The following BRINP1 variants were observed in gnomAD, a reference collection of about 807,000 sequenced individuals.
BRINP1 encodes BMP/retinoic acid inducible neural specific 1.
Under a neutral mutation model 72.9 loss-of-function variants are expected in BRINP1, and 17 were observed. That is an observed-to-expected ratio of 0.23 (90% CI 0.16 to 0.35). The LOEUF (loss-of-function observed/expected upper bound fraction) is 0.35, where lower values mean the gene tolerates loss of function less well. BRINP1 is among the 10% of genes least tolerant of loss of function. BRINP1 has a pLI of 1.00. For synonymous variants in BRINP1, 418 were observed against 378.5 expected, an observed-to-expected ratio of 1.10 and a Z score of -1.21; for missense variants, 850 against 1,001.6, an observed-to-expected ratio of 0.85 and a Z score of 2.04.
At chr9:119,213,546 GCACA>G (rs1292836086) in intron 6 of BRINP1, 2 of 389,196 alleles carry the variant, frequency 5.1e-6, no homozygotes, top group Non-Finnish European at 9.2e-6. Flanking sequence ...GTGTGTGGGT[GCACA>G]CACAAACACA....
At chr9:119,263,658 AG>A (rs934895026) in intron 2 of BRINP1, among the ~76,000 whole-genome samples, 2 of 112,980 alleles carry the variant, frequency 1.8e-5, no homozygotes, top group African/African-American at 6.9e-5. Flanking sequence ...CCCAGGCTGG[AG>A]TGCAGTGGTG....
At chr9:119,280,625 C>A (rs1830701362) in intron 2 of BRINP1, among the ~76,000 whole-genome samples, 2 of 152,054 alleles carry the variant, frequency 1.3e-5, no homozygotes, top group South Asian at 2.1e-4. Context: ...CTAACTGAAC[C>A]AGGAATCTCA....
chr9:119,284,999 G>A (rs1333563500), intron 2 of BRINP1, among the ~76,000 whole-genome samples: 4 of 152,132 alleles, frequency 2.6e-5, no homozygotes, highest in African/African-American at 9.7e-5. Context: ...CCTCTGGCTG[G>A]TGAGGAAAAA....
chr9:119,300,043 T>C (rs1034812612), intron 2 of BRINP1, among the ~76,000 whole-genome samples: 1 of 152,046 alleles, frequency 6.6e-6, no homozygotes, highest in Non-Finnish European at 1.5e-5. Context: ...CCTTCCTCAG[T>C]GATTCGTTTC....
chr9:119,251,902 G>T (rs148116410), intron 2 of BRINP1, among the ~76,000 whole-genome samples: 9 of 152,024 alleles, frequency 5.9e-5, no homozygotes, highest in African/African-American at 1.7e-4. Flanking sequence ...TCACTTTCAC[G>T]TTTCAGTTAC....
intron 2 of BRINP1, among the ~76,000 whole-genome samples, chr9:119,267,674 A>G (rs1050190227): frequency 3.5e-5 from 5 of 144,132 alleles, no homozygotes; most frequent in African/African-American, 1.3e-4. Flanking sequence ...AAATAAATAA[A>G]TAAGGCTATT....
intron 2 of BRINP1, among the ~76,000 whole-genome samples, chr9:119,273,823 A>G (rs1588186768): frequency 6.6e-6 from 1 of 152,198 alleles, no homozygotes; most frequent in African/African-American, 2.4e-5. Flanking sequence ...CAAAAGTATC[A>G]GGTTCAGAGA....
chr9:119,253,071 G>A (rs1009662137), intron 2 of BRINP1, among the ~76,000 whole-genome samples: 5 of 152,150 alleles, frequency 3.3e-5, no homozygotes, highest in African/African-American at 1.2e-4. Context: ...AGTAACTGGG[G>A]ATGTTACCCT....
intron 7 of BRINP1, among the ~76,000 whole-genome samples, chr9:119,181,104 C>T (rs922940114): frequency 8.5e-5 from 13 of 152,124 alleles, no homozygotes; most frequent in Non-Finnish European, 1.8e-4. Context: ...GTGCTGAAGA[C>T]AAGTGAAGGA....
At chr9:119,279,349 A>AT (rs747980451) in intron 2 of BRINP1, among the ~76,000 whole-genome samples, 25 of 151,374 alleles carry the variant, frequency 1.7e-4, no homozygotes, top group Non-Finnish European at 7.4e-5. Flanking sequence ...GGATTTCGCC[A>AT]GGGCACCTGC....
At chr9:119,187,350 C>A (rs889221288) in intron 7 of BRINP1, among the ~76,000 whole-genome samples, 10 of 151,840 alleles carry the variant, frequency 6.6e-5, no homozygotes, top group African/African-American at 2.4e-4. Flanking sequence ...ACAACAGGAT[C>A]CCTGAAGCCC....
chr9:119,364,887 C>T (rs1831674926), intron 1 of BRINP1, among the ~76,000 whole-genome samples: 1 of 152,206 alleles, frequency 6.6e-6, no homozygotes, highest in African/African-American at 2.4e-5. Context: ...GGCAAAAATG[C>T]CGTAACGGCA....
chr9:119,180,785 A>G (rs1829548243), intron 7 of BRINP1, among the ~76,000 whole-genome samples: 1 of 152,148 alleles, frequency 6.6e-6, no homozygotes, highest in South Asian at 2.1e-4. Flanking sequence ...GTAGCTCATA[A>G]TAATAAGGAA....
At chr9:119,363,167 A>G (rs1457672675) in intron 1 of BRINP1, among the ~76,000 whole-genome samples, 1 of 152,158 alleles carries the variant, frequency 6.6e-6, no homozygotes. Flanking sequence ...TAGTAGTGCA[A>G]TCACAGATCA....
At chr9:119,232,001 T>C (rs1019322466) in intron 5 of BRINP1, among the ~76,000 whole-genome samples, 1 of 152,162 alleles carries the variant, frequency 6.6e-6, no homozygotes, top group African/African-American at 2.4e-5. Flanking sequence ...ACATCTACAT[T>C]TGGATATCGA....
At chr9:119,315,570 G>C (rs1056987046) in intron 1 of BRINP1, among the ~76,000 whole-genome samples, 2 of 151,798 alleles carry the variant, frequency 1.3e-5, no homozygotes, top group African/African-American at 4.8e-5. Flanking sequence ...AACCTACAAT[G>C]ACCTATAATT....
chr9:119,335,927 T>C (rs10984492), intron 1 of BRINP1, among the ~76,000 whole-genome samples: 21,702 of 152,192 alleles, frequency 0.14, 1,620 homozygotes, highest in Admixed American at 0.19. Flanking sequence ...AGGGCTTTCC[T>C]TGAGAACCAC....
At chr9:119,287,595 G>A (rs1011331772) in intron 2 of BRINP1, among the ~76,000 whole-genome samples, 2 of 152,134 alleles carry the variant, frequency 1.3e-5, no homozygotes, top group East Asian at 1.9e-4. Flanking sequence ...AAGGACCTAC[G>A]GAATAAAGAT....
At chr9:119,341,603 G>A (rs1325365463) in intron 1 of BRINP1, among the ~76,000 whole-genome samples, 1 of 152,200 alleles carries the variant, frequency 6.6e-6, no homozygotes, top group Non-Finnish European at 1.5e-5. Flanking sequence ...GGTGATGCCA[G>A]ATGATTTTGC....
Sources: allele counts gnomAD v4.1 joint callset (sites outside exome capture counted in the v4.1 genomes callset), GRCh38; gene constraint gnomAD v4.1.1; transcripts MANE v1.5; gene names NCBI Gene and HGNC (gene_info 2026-07-23, HGNC 2026-07-21).